The following RASEF variants were observed in gnomAD, a reference collection of about 807,000 sequenced individuals.
RASEF encodes ras and EF-hand domain-containing protein.
RASEF carries 68 observed loss-of-function variants against 90.1 expected under a neutral mutation model. The observed-to-expected ratio is 0.75, with a 90% CI of 0.62 to 0.92. RASEF has a LOEUF of 0.92. Ranked by LOEUF, RASEF falls within the 40% of genes least tolerant of loss-of-function variation. The probability of loss-of-function intolerance (pLI) is 0.00; values close to 1 mark genes in which losing one functional copy is unlikely to be tolerated. For synonymous variants in RASEF, 331 were observed against 345.2 expected (o/e 0.96, Z 0.46); for missense variants, 949 against 937.2 (o/e 1.01, Z -0.16).
intron 1 of RASEF, among the ~76,000 whole-genome samples, chr9:83,026,998 T>G (rs765201340): frequency 1.3e-5 from 2 of 152,124 alleles, no homozygotes; most frequent in Non-Finnish European, 2.9e-5. Context: ...CACCTATAAA[T>G]CAGGGGTTCC....
chr9:83,016,015 A>G lies in RASEF; in HGVS notation c.670-115T>C, dbSNP rs1399950722. The G allele has an allele frequency of 1.1e-5, 8 of 733,342 alleles. No homozygotes were observed. The East Asian group carries it at 1.8e-4, about 16-fold the overall frequency. 45.4% of individuals were successfully genotyped at this position (733,342 alleles called of 1,614,324 possible). A position where few individuals can be genotyped will look rare whatever the true frequency, so the allele number is the denominator to read the frequency against. ...TTAAGGCTGACTTCAGTTCTCCTAC[A>G]CAGGGAAGGTGAGAAAGGATATCAG... On this transcript the variant is annotated intron_variant, in intron 3 of 16. Transcript: ENST00000376447.
the RASEF span, among the ~76,000 whole-genome samples, chr9:83,191,367 C>T: frequency 6.6e-6 from 1 of 152,188 alleles, no homozygotes; most frequent in Non-Finnish European, 1.5e-5. Flanking sequence ...GATGAACTGG[C>T]AGCCACCAAT....
the RASEF span, among the ~76,000 whole-genome samples, chr9:83,089,982 G>A: frequency 6.6e-6 from 1 of 152,102 alleles, no homozygotes; most frequent in Non-Finnish European, 1.5e-5. Context: ...GCATATGTTG[G>A]TCTGCTTAAT....
intron 1 of RASEF, among the ~76,000 whole-genome samples, chr9:83,044,857 A>G (rs1309863019): frequency 6.6e-6 from 1 of 152,208 alleles, no homozygotes; most frequent in East Asian, 1.9e-4. Flanking sequence ...CGAGTAAAGC[A>G]GTTTACCCTC....
At chr9:83,123,237 C>CAAAAAAAAA in the RASEF span, among the ~76,000 whole-genome samples, 2 of 83,426 alleles carry the variant, frequency 2.4e-5, 1 homozygote, top group African/African-American at 9.2e-5. Flanking sequence ...GAGACTCCAT[C>CAAAAAAAAA]AAAAAAAAAA....
At chr9:82,997,519 G>A (rs969772383) in intron 13 of RASEF, among the ~76,000 whole-genome samples, 3 of 152,144 alleles carry the variant, frequency 2.0e-5, no homozygotes, top group Non-Finnish European at 4.4e-5. Flanking sequence ...TTTGGTGGTG[G>A]TGGTGGTTAG....
At chr9:83,197,321 A>C in the RASEF span, among the ~76,000 whole-genome samples, 366 of 152,306 alleles carry the variant, frequency 2.4e-3, 2 homozygotes, top group Admixed American at 4.8e-3. Flanking sequence ...AAGAGGAGTA[A>C]GAGGATATTA....
upstream of RASEF, among the ~76,000 whole-genome samples, chr9:83,068,158 C>T (rs538457638): frequency 4.6e-5 from 7 of 152,304 alleles, no homozygotes; most frequent in South Asian, 1.0e-3. Flanking sequence ...AGGCGTGAGC[C>T]GCCATACCTG....
the RASEF span, among the ~76,000 whole-genome samples, chr9:83,129,629 A>T: frequency 6.6e-6 from 1 of 152,330 alleles, no homozygotes; most frequent in Admixed American, 6.5e-5. Flanking sequence ...CTCCTCCTTA[A>T]GCTAGGCTTA....
chr9:83,085,985 G>A, the RASEF span, among the ~76,000 whole-genome samples: 5 of 152,026 alleles, frequency 3.3e-5, no homozygotes, highest in East Asian at 1.9e-4. Context: ...AACTAATGAC[G>A]TGTATGTGAC....
chr9:83,034,380 CT>C (rs912284453), intron 1 of RASEF, among the ~76,000 whole-genome samples: 1 of 152,184 alleles, frequency 6.6e-6, no homozygotes. Flanking sequence ...CCAGAAATGC[CT>C]CACCCAGGGC....
the RASEF span, among the ~76,000 whole-genome samples, chr9:83,135,402 G>A: frequency 3.3e-5 from 5 of 152,000 alleles, no homozygotes; most frequent in Admixed American, 2.6e-4. Flanking sequence ...ATGTAAATGA[G>A]TTAATGGGTG....
At position 82,982,834 on chromosome 9, in the gene RASEF, G is replaced by GAGAGA. The variant is rs754579235; in HGVS notation, c.2118-53_2118-52insTCTCT. 17 of 996,262 alleles carry GAGAGA rather than the reference G, an allele frequency of 1.7e-5. No individual in the cohort carries two copies. In the African/African-American group the frequency reaches 2.5e-4, roughly 15 times the overall value. The allele number at this position is 996,262 out of a possible 1,614,324, so 61.7% of individuals were successfully genotyped here. On this transcript the variant is annotated intron_variant, in intron 16 of 16. Coordinates refer to ENST00000376447, the MANE Select transcript of RASEF (RefSeq NM_152573.4). ...GAGAGAGAGAGAGAGAGAGAGAGAG[G>GAGAGA]ATTACTGAGGTATAAAAACTAAGCC...
chr9:83,169,350 T>TACACACAC, the RASEF span, among the ~76,000 whole-genome samples: 1,981 of 146,062 alleles, frequency 0.014, 21 homozygotes, highest in Non-Finnish European at 0.019. Context: ...CTGATTTCCA[T>TACACACAC]ACACACACAC....
the RASEF span, among the ~76,000 whole-genome samples, chr9:83,214,692 G>A: frequency 6.6e-6 from 1 of 152,176 alleles, no homozygotes; most frequent in East Asian, 2.0e-4. Flanking sequence ...AAGATCTGAT[G>A]GTTTTACAAA....
At chr9:83,123,237 CAAAAAAAAA>C in the RASEF span, among the ~76,000 whole-genome samples, 2 of 83,428 alleles carry the variant, frequency 2.4e-5, no homozygotes, top group East Asian at 3.2e-4. Context: ...GAGACTCCAT[CAAAAAAAAA>C]AAAAAAAAAA....
At chr9:83,169,113 C>T in the RASEF span, among the ~76,000 whole-genome samples, 20 of 151,860 alleles carry the variant, frequency 1.3e-4, no homozygotes, top group Non-Finnish European at 2.5e-4. Context: ...TGAGTGAGAA[C>T]AAGCAATATT....
At chr9:83,052,522 GT>G in intron 1 of RASEF, among the ~76,000 whole-genome samples, 1 of 34,776 alleles carries the variant, frequency 2.9e-5, no homozygotes, top group East Asian at 7.2e-4. Context: ...TTTTTGAAGG[GT>G]TTTTTGTGTC....
chr9:83,200,179 T>G, the RASEF span, among the ~76,000 whole-genome samples: 2 of 152,104 alleles, frequency 1.3e-5, no homozygotes, highest in African/African-American at 4.8e-5. Context: ...GTTCCCCTCC[T>G]GAGGTCAGGA....
Sources: gnomAD v4.1 joint callset for allele counts (sites outside exome capture counted in the v4.1 genomes callset) on GRCh38, gnomAD v4.1.1 for gene constraint, MANE v1.5 for transcripts, NCBI Gene and HGNC (gene_info 2026-07-23, HGNC 2026-07-21) for gene names.